RANBP9: variants seen among roughly 807,000 people sequenced by gnomAD.
RANBP9 encodes the protein ran-binding protein 9.
A neutral mutation model predicts 84.3 loss-of-function variants in RANBP9; 15 were observed. That is an observed-to-expected ratio of 0.18 (90% CI 0.12 to 0.27). The LOEUF (loss-of-function observed/expected upper bound fraction) is 0.27, where lower values mean the gene tolerates loss of function less well. Ranked by LOEUF, RANBP9 falls within the 10% of genes least tolerant of loss-of-function variation. RANBP9 has a pLI of 1.00. For missense variants in RANBP9, 809 were observed against 912.8 expected (o/e 0.89, Z 1.46); for synonymous variants, 392 against 349.6 (o/e 1.12, Z -1.35).
At position 13,652,689 on chromosome 6, in the gene RANBP9, G is replaced by GAAA; in HGVS notation, c.905-11_905-9dup. 7.1e-7 allele frequency: 1 copy of GAAA among 1,413,546 alleles called. No individual in the cohort carries two copies. The highest frequency in any genetic ancestry group is 1.3e-5 in the South Asian group (1 of 74,584). 87.6% of individuals were successfully genotyped at this position (1,413,546 alleles called of 1,614,324 possible). On this transcript the variant is annotated splice_polypyrimidine_tract_variant and intron_variant, in intron 4 of 13. Transcript: ENST00000011619. ...GGTCAGTGAAAGCAATACCTAAAAA[G>GAAA]AAAAAAAAAAGTGGCATTAGAAGCT...
At chr6:13,632,610 AT>A in intron 11 of RANBP9, 89 bp from the exon 12 acceptor site, 1 of 1,226,080 alleles carries the variant, frequency 8.2e-7, no homozygotes. Context: ...CATTTTGTAC[AT>A]TTAGTAACTA....
intron 2 of RANBP9, among the ~76,000 whole-genome samples, chr6:13,688,163 G>C (rs1207072386): frequency 6.6e-6 from 1 of 152,190 alleles, no homozygotes. Flanking sequence ...GACTGAGAGA[G>C]TCTGTCAAAA....
chr6:13,634,321 A>G (rs953813232), intron 11 of RANBP9, 110 bp downstream of exon 11: 9 of 1,341,960 alleles, frequency 6.7e-6, no homozygotes, highest in Non-Finnish European at 8.1e-6. Flanking sequence ...CCTACAGCAC[A>G]TACATCTTTA....
At chr6:13,694,004 C>T (rs947091987) in intron 2 of RANBP9, among the ~76,000 whole-genome samples, 4 of 152,110 alleles carry the variant, frequency 2.6e-5, no homozygotes, top group Non-Finnish European at 5.9e-5. Context: ...GACTGCACCA[C>T]TGTACTCCAG....
intron 7 of RANBP9, 68 bp from the exon 8 acceptor site, chr6:13,641,375 CAGAAA>C: frequency 2.2e-6 from 2 of 916,750 alleles, no homozygotes; most frequent in Non-Finnish European, 3.3e-6. Flanking sequence ...TTAGTGACCT[CAGAAA>C]AGAAAGTTAG....
Position 13,696,851 on chromosome 6 carries a change from T to A in RANBP9, c.617A>T (p.His206Leu), listed in dbSNP as rs940267351. The change falls in exon 2 of 14, where the codon CAT (histidine) becomes CTT (leucine). Residue 206 changes from histidine (H) to leucine (L), a missense_variant. By Grantham distance (99) the His-to-Leu change is moderately conservative (BLOSUM62 -3). This residue lies in a region of RANBP9 where 56 missense variants were observed against 88.2 expected (regional missense o/e 0.63). Coordinates refer to ENST00000011619, the MANE Select transcript of RANBP9 (RefSeq NM_005493.3). ...AATCCCACAGGCTGCTGGTATTGGA[T>A]GCGTGGCTCGAACTGACGCGGCATC... ...PKDAASVRAT[H>L]PIPAACGIYY... is the part of the protein sequence containing the mutation. 1.2e-6 allele frequency: 2 copies of A among 1,613,466 alleles called. No homozygotes were observed. The highest frequency in any genetic ancestry group is 1.7e-6 in the Non-Finnish European group (2 of 1,179,698).
chr6:13,644,493 C>G, intron 6 of RANBP9, 52 bp downstream of exon 6: 1 of 1,541,592 alleles, frequency 6.5e-7, no homozygotes, highest in East Asian at 2.3e-5. Context: ...GAATAAATGT[C>G]TTATAAAAAA....
chr6:13,663,653 A>G (rs1297289445), intron 2 of RANBP9, among the ~76,000 whole-genome samples: 1 of 152,132 alleles, frequency 6.6e-6, no homozygotes, highest in East Asian at 1.9e-4. Flanking sequence ...AATAGCAGAG[A>G]CATAAAGGTC....
intron 2 of RANBP9, among the ~76,000 whole-genome samples, chr6:13,688,515 T>C (rs756796319): frequency 3.3e-5 from 5 of 152,122 alleles, no homozygotes; most frequent in Non-Finnish European, 7.4e-5. Context: ...TACTTACATG[T>C]TCATTTCCCT....
chr6:13,631,655 A>G (rs532345816), intron 12 of RANBP9, among the ~76,000 whole-genome samples: 26 of 152,278 alleles, frequency 1.7e-4, no homozygotes, highest in Middle Eastern at 3.4e-3. Context: ...CTTTAATTTC[A>G]GTCTTCTTCC....
intron 2 of RANBP9, among the ~76,000 whole-genome samples, chr6:13,668,646 A>G (rs1765705555): frequency 6.6e-6 from 1 of 152,128 alleles, no homozygotes; most frequent in Admixed American, 6.5e-5. Context: ...ATAGAAAAAG[A>G]ATTTCACAAA....
chr6:13,683,391 T>A (rs1766091709), intron 2 of RANBP9, among the ~76,000 whole-genome samples: 1 of 152,202 alleles, frequency 6.6e-6, no homozygotes, highest in Non-Finnish European at 1.5e-5. Context: ...AGGACAAAAC[T>A]ATATACAATC....
chr6:13,644,790 T>G, intron 5 of RANBP9, 61 bp from the exon 6 acceptor site: 1 of 1,286,932 alleles, frequency 7.8e-7, no homozygotes, highest in Non-Finnish European at 1.0e-6. Flanking sequence ...AATAATTCTT[T>G]TAATGTTACA....
rs770938415 is a variant in RANBP9 at position 13,639,805 on chromosome 6, A to C, written c.1335-52T>G. ...AGACACAATCTTCAAATGGCCTTTTATTTAATAGCAACAGATTTCTAAAAA... is the reference window on the plus strand; with the variant it reads ...AGACACAATCTTCAAATGGCCTTTTCTTTAATAGCAACAGATTTCTAAAAA... On this transcript the variant is annotated intron_variant, in intron 8 of 13. Coordinates refer to ENST00000011619, the MANE Select transcript of RANBP9 (RefSeq NM_005493.3). 4 of 1,402,132 alleles carry C rather than the reference A, an allele frequency of 2.9e-6. No homozygotes were observed. In the South Asian group the frequency reaches 3.8e-5, roughly 13 times the overall value. 86.9% of individuals were successfully genotyped at this position (1,402,132 alleles called of 1,614,324 possible).
chr6:13,641,119 C>A, intron 8 of RANBP9, 80 bp downstream of exon 8: 1 of 916,380 alleles, frequency 1.1e-6, no homozygotes, highest in Non-Finnish European at 1.5e-6. Context: ...ATTACAAAAG[C>A]ACGAAAATGT....
chr6:13,661,265 T>G (rs1214603649), intron 2 of RANBP9, among the ~76,000 whole-genome samples: 1 of 152,180 alleles, frequency 6.6e-6, no homozygotes, highest in Non-Finnish European at 1.5e-5. Flanking sequence ...TGCAATACTC[T>G]CAATATCATG....
At chr6:13,636,926 A>G (rs1764952809) in intron 10 of RANBP9, among the ~76,000 whole-genome samples, 1 of 152,196 alleles carries the variant, frequency 6.6e-6, no homozygotes, top group Non-Finnish European at 1.5e-5. Context: ...GCTAAAAGTT[A>G]GGCTCTCTCT....
chr6:13,658,660 T>C (rs1242012930), intron 3 of RANBP9, 120 bp downstream of exon 3: 1 of 884,036 alleles, frequency 1.1e-6, no homozygotes, highest in Admixed American at 2.2e-5. Context: ...TTAAAATTCA[T>C]AATGATGATT....
intron 6 of RANBP9, among the ~76,000 whole-genome samples, chr6:13,644,030 T>C (rs1765125758): frequency 6.6e-6 from 1 of 152,210 alleles, no homozygotes; most frequent in Admixed American, 6.5e-5. Context: ...TGGATTATAA[T>C]AGTGAAGAGG....
Sources: gnomAD v4.1 joint callset for allele counts (sites outside exome capture counted in the v4.1 genomes callset) on GRCh38, gnomAD v4.1.1 for gene constraint, gnomAD v4.1.1 regional missense constraint, MANE v1.5 for transcripts, NCBI Gene and HGNC (gene_info 2026-07-23, HGNC 2026-07-21) for gene names.